Variants in CCDC181 observed in about 807,000 individuals in gnomAD.
The protein encoded by CCDC181 is coiled-coil domain containing 181.
A neutral mutation model predicts 58.7 loss-of-function variants in CCDC181; 35 were observed. The ratio of observed to expected loss-of-function variants is 0.60; its 90% confidence interval spans 0.46 to 0.79. The LOEUF (loss-of-function observed/expected upper bound fraction) is 0.79. CCDC181 is among the 30% of genes least tolerant of loss of function. The pLI, the probability that CCDC181 is intolerant of heterozygous loss-of-function variation, is 0.00. For synonymous variants in CCDC181, 183 were observed against 197.5 expected, an observed-to-expected ratio of 0.93 and a Z score of 0.62; for missense variants, 517 against 583.9, an observed-to-expected ratio of 0.89 and a Z score of 1.18.
At position 169,422,160 on chromosome 1, in the gene CCDC181, G is replaced by A. The variant is rs1469813573; in HGVS notation, c.271C>T (p.Pro91Ser). The A allele has an allele frequency of 6.2e-7, 1 of 1,613,574 alleles. No individual in the cohort carries two copies. The highest frequency in any genetic ancestry group is 8.5e-7 in the Non-Finnish European group (1 of 1,179,854). The change falls in exon 3 of 6, where the codon CCT becomes TCT. Residue 91 changes from proline to serine, a missense_variant. Pro to Ser is a moderately conservative substitution (Grantham distance 74, BLOSUM62 -1). Coordinates refer to ENST00000367806, the MANE Select transcript of CCDC181 (RefSeq NM_001300969.2). ...NDIISVPGIQ[P>S]LDPISDSDSE... ...TCTGAATCTGATATGGGATCCAAAGGTTGAATACCTGGTACAGAAATGATG... is the reference window on the plus strand; with the variant it reads ...TCTGAATCTGATATGGGATCCAAAGATTGAATACCTGGTACAGAAATGATG...
In CCDC181 at chr1:169,398,785, A is replaced by G. The variant is rs577268164; in HGVS notation, c.1216-1394T>C. ...TTCTATTGGACAGTGTTCTGCACAGACAGGATAAAAATAAGTGACTGACTG... is the reference window on the plus strand; with the variant it reads ...TTCTATTGGACAGTGTTCTGCACAGGCAGGATAAAAATAAGTGACTGACTG... On this transcript the variant is annotated intron_variant, in intron 4 of 5. Transcript: ENST00000367806. 3.3e-5 allele frequency among the ~76,000 whole-genome samples: 5 copies of G among 152,328 alleles called. No individual in the cohort carries two copies. The East Asian group carries it at 9.6e-4, about 29-fold the overall frequency.
At chr1:169,423,650 C>T (rs1656591974) in intron 2 of CCDC181, among the ~76,000 whole-genome samples, 1 of 151,952 alleles carries the variant, frequency 6.6e-6, no homozygotes, top group East Asian at 1.9e-4. Flanking sequence ...GATAGGTGAT[C>T]ATTAATACTT....
At chr1:169,453,097 C>T (rs979176969) in intron 2 of CCDC181, among the ~76,000 whole-genome samples, 64 of 150,498 alleles carry the variant, frequency 4.3e-4, no homozygotes, top group African/African-American at 1.5e-3. Flanking sequence ...AAAAAAGAAA[C>T]GCTATGAGAT....
chr1:169,449,102 C>G (rs1223553013), intron 2 of CCDC181, among the ~76,000 whole-genome samples: 1 of 152,292 alleles, frequency 6.6e-6, no homozygotes, highest in East Asian at 1.9e-4. Flanking sequence ...AAATATTAAC[C>G]ATAACTTCCT....
intron 2 of CCDC181, among the ~76,000 whole-genome samples, chr1:169,439,930 CTCT>C (rs752106655): frequency 2.0e-5 from 3 of 152,090 alleles, no homozygotes; most frequent in African/African-American, 7.2e-5. Context: ...CTCTTCTCTT[CTCT>C]TCTTCTCTGC....
intron 4 of CCDC181, among the ~76,000 whole-genome samples, chr1:169,411,433 A>G (rs1249154826): frequency 1.3e-5 from 2 of 152,214 alleles, no homozygotes; most frequent in South Asian, 4.1e-4. Flanking sequence ...GACCAGACAG[A>G]TTCACAGCTG....
upstream of CCDC181, among the ~76,000 whole-genome samples, chr1:169,431,676 A>G (rs1656923109): frequency 6.6e-6 from 1 of 152,280 alleles, no homozygotes; most frequent in African/African-American, 2.4e-5. Context: ...TCATCTACCC[A>G]ACCCCAAACC....
Position 169,422,268 on chromosome 1 carries a change from T to C in CCDC181, c.163A>G (p.Asn55Asp), listed in dbSNP as rs766004497. 3.8e-6 allele frequency: 6 copies of C among 1,598,706 alleles called. No individual in the cohort carries two copies. In the South Asian group the frequency reaches 5.6e-5, roughly 15 times the overall value. Residue 55 changes from asparagine to aspartate, a missense_variant, in exon 3 of 6, where the codon AAT becomes GAT. Transcript: ENST00000367806. ...TTGGTGTGCTCCATTACTGTCTCAT[T>C]CTCTTTTAAGTCTTGGTTAATATTC... The part of the protein sequence containing the change: ...EENINQDLKE[N>D]ETVMEHTKRH...
chr1:169,411,282 G>T (rs934043173), intron 4 of CCDC181, among the ~76,000 whole-genome samples: 1 of 151,922 alleles, frequency 6.6e-6, no homozygotes, highest in African/African-American at 2.4e-5. Context: ...AAACTAGAAA[G>T]TCTAGAAGAA....
chr1:169,418,473 T>G (rs1656310475), intron 4 of CCDC181, among the ~76,000 whole-genome samples: 1 of 151,840 alleles, frequency 6.6e-6, no homozygotes, highest in Non-Finnish European at 1.5e-5. Flanking sequence ...CTGGAGGAGC[T>G]TAGGGTTAAA....
At chr1:169,417,501 A>AC (rs1485815816) in intron 4 of CCDC181, among the ~76,000 whole-genome samples, 7 of 151,486 alleles carry the variant, frequency 4.6e-5, no homozygotes, top group Non-Finnish European at 1.0e-4. Context: ...GGGGCACACC[A>AC]CCCCCCCAAC....
intron 4 of CCDC181, among the ~76,000 whole-genome samples, chr1:169,413,501 A>G (rs1656069703): frequency 6.6e-6 from 1 of 152,206 alleles, no homozygotes; most frequent in Non-Finnish European, 1.5e-5. Flanking sequence ...CATTTGACCC[A>G]GCAATCCCAT....
intron 2 of CCDC181, among the ~76,000 whole-genome samples, chr1:169,451,655 G>T (rs145781840): frequency 9.3e-4 from 141 of 151,796 alleles, no homozygotes; most frequent in Non-Finnish European, 1.6e-3. Flanking sequence ...CTGGTTCCAG[G>T]CTAAACAATA....
At chr1:169,435,995 C>G (rs755992159) in intron 2 of CCDC181, among the ~76,000 whole-genome samples, 1 of 152,100 alleles carries the variant, frequency 6.6e-6, no homozygotes, top group Admixed American at 6.6e-5. Context: ...CCACCTAAAA[C>G]CAAGCTGTAA....
chr1:169,424,509 A>G (rs577696909), intron 2 of CCDC181, among the ~76,000 whole-genome samples: 1 of 151,938 alleles, frequency 6.6e-6, no homozygotes, highest in Admixed American at 6.5e-5. Flanking sequence ...TTTCGATGCA[A>G]TAAATCATGA....
intron 2 of CCDC181, among the ~76,000 whole-genome samples, chr1:169,440,788 G>A (rs895983463): frequency 1.3e-5 from 2 of 151,844 alleles, no homozygotes; most frequent in Admixed American, 6.6e-5. Flanking sequence ...CAAAAAAATA[G>A]CCAGGCATGG....
chr1:169,417,889 G>C lies in CCDC181; in HGVS notation c.1215+1124C>G, dbSNP rs190169222. 3.6e-3 allele frequency among the ~76,000 whole-genome samples: 552 copies of C among 152,230 alleles called. 5 individuals are homozygous for C. Among genetic ancestry groups the C allele is most frequent in the Admixed American group, 0.013 (204 of 15,292 alleles). On this transcript the variant is annotated intron_variant, in intron 4 of 5. Coordinates refer to ENST00000367806, the MANE Select transcript of CCDC181 (RefSeq NM_001300969.2). ...TTTAGGAGCTGTGTGCCAAAAACTA[G>C]GGGTAGAGACCTATATCTATCTCTT...
chr1:169,418,228 G>A (rs182785088), intron 4 of CCDC181, among the ~76,000 whole-genome samples: 2 of 152,218 alleles, frequency 1.3e-5, no homozygotes, highest in Admixed American at 6.5e-5. Flanking sequence ...GTTAACTAAC[G>A]CAACATTGGA....
intron 4 of CCDC181, among the ~76,000 whole-genome samples, chr1:169,408,734 C>T (rs1306448082): frequency 1.3e-5 from 2 of 152,082 alleles, no homozygotes; most frequent in East Asian, 1.9e-4. Context: ...CTGGTGATAC[C>T]CAAGCAAACA....
Sources: allele counts gnomAD v4.1 joint callset (sites outside exome capture counted in the v4.1 genomes callset), GRCh38; gene constraint gnomAD v4.1.1; transcripts MANE v1.5; gene names NCBI Gene and HGNC (gene_info 2026-07-23, HGNC 2026-07-21).